Variants in CNTN3 observed in about 807,000 individuals in gnomAD.
CNTN3 encodes the protein contactin 3.
A neutral mutation model predicts 119.1 loss-of-function variants in CNTN3; 60 were observed. That is an observed-to-expected ratio of 0.50 (90% confidence interval 0.41 to 0.62). The LOEUF is 0.62. CNTN3 is among the 20% of genes least tolerant of loss of function. The probability of loss-of-function intolerance (pLI) is 0.00; values close to 1 mark genes in which losing one functional copy is unlikely to be tolerated. For synonymous variants in CNTN3, 450 were observed against 438.7 expected, an observed-to-expected ratio of 1.03 and a Z score of -0.32; for missense variants, 1,101 against 1,242.4, an observed-to-expected ratio of 0.89 and a Z score of 1.71.
intron 4 of CNTN3, among the ~76,000 whole-genome samples, chr3:74,460,770 T>G (rs866582851): frequency 5.6e-4 from 50 of 89,074 alleles, no homozygotes; most frequent in African/African-American, 2.2e-3. Context: ...ATTTCTTATT[T>G]TCATATATAT....
intron 1 of CNTN3, among the ~76,000 whole-genome samples, chr3:74,587,226 T>C (rs1704608800): frequency 6.6e-6 from 1 of 152,002 alleles, no homozygotes; most frequent in Non-Finnish European, 1.5e-5. Context: ...GAAGCCCAAT[T>C]GAGTTCAACA....
chr3:74,405,449 G>T (rs1705301446), intron 5 of CNTN3, among the ~76,000 whole-genome samples: 1 of 151,948 alleles, frequency 6.6e-6, no homozygotes, highest in Non-Finnish European at 1.5e-5. Context: ...GTTCCACATT[G>T]TTTTAGTAAT....
At chr3:74,388,508 T>C (rs1210228598) in intron 5 of CNTN3, among the ~76,000 whole-genome samples, 3 of 151,806 alleles carry the variant, frequency 2.0e-5, no homozygotes, top group African/African-American at 7.3e-5. Flanking sequence ...ACATAGAAAA[T>C]AGCTCTTAAA....
chr3:74,346,781 C>G (rs532912946), intron 11 of CNTN3, among the ~76,000 whole-genome samples: 3 of 148,192 alleles, frequency 2.0e-5, no homozygotes, highest in Admixed American at 6.6e-5. Context: ...ATCCATCCAT[C>G]CATCCATCCA....
At chr3:74,290,877 A>G (rs1263231616) in intron 19 of CNTN3, among the ~76,000 whole-genome samples, 2 of 151,000 alleles carry the variant, frequency 1.3e-5, no homozygotes, top group African/African-American at 2.4e-5. Flanking sequence ...ATTTTTATTT[A>G]TTTATTTATT....
chr3:74,420,197 A>G (rs564880222), intron 5 of CNTN3, among the ~76,000 whole-genome samples: 1 of 152,336 alleles, frequency 6.6e-6, no homozygotes, highest in South Asian at 2.1e-4. Context: ...CTGCGAGGTT[A>G]CAGGGATTCC....
At chr3:74,320,988 C>G (rs1165017938) in intron 13 of CNTN3, among the ~76,000 whole-genome samples, 1 of 149,158 alleles carries the variant, frequency 6.7e-6, no homozygotes, top group Non-Finnish European at 1.5e-5. Context: ...TTTGCAGCAA[C>G]ATGGATGCAG....
chr3:74,468,806 G>A (rs1051552894), intron 4 of CNTN3, among the ~76,000 whole-genome samples: 3 of 141,024 alleles, frequency 2.1e-5, no homozygotes, highest in South Asian at 2.2e-4. Flanking sequence ...ACCTATATAC[G>A]TGACAGATGA....
intron 13 of CNTN3, among the ~76,000 whole-genome samples, chr3:74,311,644 G>A (rs113384411): frequency 1.5e-4 from 23 of 152,288 alleles, no homozygotes; most frequent in African/African-American, 5.5e-4. Context: ...AGCATGAACA[G>A]TTCCATCTCA....
At chr3:74,537,463 G>A (rs1415933731) in intron 1 of CNTN3, among the ~76,000 whole-genome samples, 1 of 152,106 alleles carries the variant, frequency 6.6e-6, no homozygotes, top group Non-Finnish European at 1.5e-5. Flanking sequence ...CTGCTGCAGG[G>A]TTGTCAATGC....
At chr3:74,335,173 T>C (rs1257930121) in intron 12 of CNTN3, among the ~76,000 whole-genome samples, 1 of 152,194 alleles carries the variant, frequency 6.6e-6, no homozygotes, top group Non-Finnish European at 1.5e-5. Context: ...ATTAAAGTCG[T>C]GTAAACAACA....
At chr3:74,596,479 CA>C (rs2106696561) in intron 1 of CNTN3, among the ~76,000 whole-genome samples, 1 of 152,040 alleles carries the variant, frequency 6.6e-6, no homozygotes, top group Admixed American at 6.6e-5. Flanking sequence ...GTACTGGTAC[CA>C]AAACAGAGAT....
chr3:74,301,852 T>A (rs2106818346), intron 14 of CNTN3, 47 bp from the exon 15 acceptor site: 1 of 1,586,664 alleles, frequency 6.3e-7, no homozygotes, highest in Non-Finnish European at 8.6e-7. Context: ...TCCATAAATG[T>A]CATCCTCTCC....
intron 5 of CNTN3, among the ~76,000 whole-genome samples, chr3:74,373,943 T>G (rs993031538): frequency 6.6e-6 from 1 of 152,088 alleles, no homozygotes; most frequent in African/African-American, 2.4e-5. Context: ...CCCCCTTAGG[T>G]TTCACTTCAA....
At chr3:74,433,809 C>T (rs13095892) in intron 4 of CNTN3, among the ~76,000 whole-genome samples, 61,259 of 152,068 alleles carry the variant, frequency 0.4, 12,565 homozygotes, top group East Asian at 0.56. Flanking sequence ...GCTTTGGCCA[C>T]ATCTCTTTTT....
intron 20 of CNTN3, among the ~76,000 whole-genome samples, chr3:74,278,892 A>T (rs1701937218): frequency 6.6e-6 from 1 of 152,144 alleles, no homozygotes. Context: ...ATCTACAACG[A>T]ACTCAAATCA....
intron 4 of CNTN3, among the ~76,000 whole-genome samples, chr3:74,464,496 G>A (rs1309539378): frequency 1.3e-5 from 2 of 152,126 alleles, no homozygotes; most frequent in African/African-American, 4.8e-5. Flanking sequence ...AAGAATGTCA[G>A]TGGAAGGATA....
chr3:74,569,738 G>A (rs1304376918), intron 1 of CNTN3, among the ~76,000 whole-genome samples: 2 of 152,142 alleles, frequency 1.3e-5, no homozygotes, highest in Admixed American at 1.3e-4. Flanking sequence ...AAGGGTCTGA[G>A]CACATTTTAG....
intron 4 of CNTN3, among the ~76,000 whole-genome samples, chr3:74,433,771 A>G (rs1701824653): frequency 6.6e-6 from 1 of 152,180 alleles, no homozygotes; most frequent in African/African-American, 2.4e-5. Flanking sequence ...CCACTGACAC[A>G]GAAGACTTTT....
Sources: gnomAD v4.1 joint callset for allele counts (sites outside exome capture counted in the v4.1 genomes callset) on GRCh38, gnomAD v4.1.1 for gene constraint, MANE v1.5 for transcripts, NCBI Gene and HGNC (gene_info 2026-07-23, HGNC 2026-07-21) for gene names.